The following FAM163A variants were observed in gnomAD, a reference collection of about 807,000 sequenced individuals.
FAM163A encodes the protein protein FAM163A.
Under a neutral mutation model 12.0 loss-of-function variants are expected in FAM163A, and 7 were observed. The ratio of observed to expected loss-of-function variants is 0.58; its 90% CI spans 0.33 to 1.10. The LOEUF is 1.10. Ranked by LOEUF, FAM163A falls within the 50% of genes least tolerant of loss-of-function variation. The pLI is 0.03. For missense variants in FAM163A, 202 were observed against 218.6 expected (o/e 0.92, Z 0.48); for synonymous variants, 101 against 91.0 (o/e 1.11, Z -0.62).
intron 2 of FAM163A, among the ~76,000 whole-genome samples, chr1:179,811,480 G>C (rs137931826): frequency 6.6e-6 from 1 of 152,284 alleles, no homozygotes; most frequent in East Asian, 1.9e-4. Flanking sequence ...ACTCAATTGG[G>C]ACCTTGTTAA....
intron 1 of FAM163A, among the ~76,000 whole-genome samples, chr1:179,760,063 T>A (rs973470547): frequency 2.0e-5 from 3 of 152,168 alleles, no homozygotes; most frequent in Non-Finnish European, 4.4e-5. Flanking sequence ...AGATTCATGT[T>A]TTATAAAGAT....
intron 1 of FAM163A, among the ~76,000 whole-genome samples, chr1:179,773,742 C>G (rs553962929): frequency 6.6e-6 from 1 of 152,188 alleles, no homozygotes; most frequent in Non-Finnish European, 1.5e-5. Context: ...ATTAAAGCAT[C>G]GGCCTCTAGA....
At chr1:179,778,231 C>A (rs1368982753) in intron 1 of FAM163A, among the ~76,000 whole-genome samples, 1 of 152,112 alleles carries the variant, frequency 6.6e-6, no homozygotes, top group East Asian at 1.9e-4. Flanking sequence ...CAGGGCTGGC[C>A]TAGGTAAGAT....
intron 1 of FAM163A, among the ~76,000 whole-genome samples, chr1:179,771,536 A>AT (rs1467141165): frequency 6.6e-6 from 1 of 150,722 alleles, no homozygotes; most frequent in Non-Finnish European, 1.5e-5. Context: ...GCACTGCCCC[A>AT]TTTTTTCTTG....
intron 1 of FAM163A, 49 bp downstream of exon 1, chr1:179,743,472 G>A (rs1683937957): frequency 6.6e-6 from 1 of 152,428 alleles, no homozygotes; most frequent in Non-Finnish European, 1.5e-5. Context: ...GAGGGGCGGG[G>A]CGGGGCGCGG....
chr1:179,813,203 G>C lies in FAM163A; in HGVS notation c.93+13G>C. ...CTGCAGGCTCCAGGTCAGTCCCCGG[G>C]ACCCGTAGCCAGAGGCTGCCAGGCC... On this transcript the variant is annotated intron_variant, in intron 4 of 4. Transcript: ENST00000341785. 2.6e-6 allele frequency: 4 copies of C among 1,550,982 alleles called. No homozygotes were observed. The highest frequency in any genetic ancestry group is 3.5e-6 in the Non-Finnish European group (4 of 1,146,412).
intron 1 of FAM163A, among the ~76,000 whole-genome samples, chr1:179,777,106 G>T (rs1205175402): frequency 2.0e-5 from 3 of 152,098 alleles, no homozygotes; most frequent in African/African-American, 7.2e-5. Context: ...CACAATTTTT[G>T]ATCCATTCCT....
Position 179,814,093 on chromosome 1 carries a change from C to G in FAM163A, c.408C>G (p.Ser136=). ...ACTACAAAGAGGGGGGACCCCCATC[C>G]CTCAAATTGGCAGCACCCCAGAGTT... ...PTYYKEGGPP[S]LKLAAPQSYP... is the part of the protein sequence containing the mutation. Residue 136 remains serine, a synonymous_variant, in exon 5 of 5, where the codon TCC becomes TCG. Transcript: ENST00000341785. 1 of 1,614,180 alleles carries G rather than the reference C, an allele frequency of 6.2e-7. No individual in the cohort carries two copies. The highest frequency in any genetic ancestry group is 1.1e-5 in the South Asian group (1 of 91,072).
rs768280344 is a variant in FAM163A at position 179,813,810 on chromosome 1, T to G, written c.125T>G (p.Val42Gly). 1.2e-6 allele frequency: 2 copies of G among 1,613,874 alleles called. No homozygotes were observed. Among genetic ancestry groups the G allele is most frequent in the Admixed American group, 3.3e-5 (2 of 60,004 alleles). The change falls in exon 5 of 5, where the codon GTT becomes GGT. Residue 42 changes from valine (V) to glycine (G), a missense_variant. Physicochemically the swap from Val to Gly is moderately radical, Grantham distance 109. Coordinates refer to ENST00000341785, the MANE Select transcript of FAM163A (RefSeq NM_173509.3). The part of the protein sequence containing the change: ...YYCCKKSGTE[V>G]ADEEEEREHD... The stretch of plus-strand genomic sequence containing the variant: ...TGCTGCAAGAAGAGCGGAACCGAGG[T>G]TGCAGACGAGGAGGAGGAGCGGGAG...
the FAM163A span, among the ~76,000 whole-genome samples, chr1:179,728,355 G>T: frequency 3.9e-5 from 6 of 152,122 alleles, no homozygotes; most frequent in African/African-American, 1.4e-4. Context: ...TAAATGGAAG[G>T]GTTTTGTGTT....
intron 1 of FAM163A, among the ~76,000 whole-genome samples, chr1:179,754,829 G>A (rs1685774837): frequency 6.6e-6 from 1 of 152,160 alleles, no homozygotes; most frequent in Non-Finnish European, 1.5e-5. Flanking sequence ...ACACCTTCTG[G>A]TTTACATGTT....
At chr1:179,734,411 CT>C in the FAM163A span, among the ~76,000 whole-genome samples, 1 of 152,122 alleles carries the variant, frequency 6.6e-6, no homozygotes, top group East Asian at 1.9e-4. Flanking sequence ...ACGAATACTC[CT>C]TTTTTTTATA....
intron 1 of FAM163A, among the ~76,000 whole-genome samples, chr1:179,805,147 C>G (rs1018964567): frequency 2.6e-4 from 39 of 152,030 alleles, no homozygotes; most frequent in African/African-American, 8.5e-4. Flanking sequence ...TGGCCCAATC[C>G]CATTGCTTTT....
At position 179,813,185 on chromosome 1, in the gene FAM163A, C is replaced by T. The variant is rs143407135; in HGVS notation, c.88C>T (p.Leu30Phe). ...CIIAVLCYCRLQYYCCKKSGT... is the reference protein window; with the variant it reads ...CIIAVLCYCRFQYYCCKKSGT... ...CATTGCCGTCCTGTGCTACTGCAGGCTCCAGGTCAGTCCCCGGGACCCGTA... is the reference window on the plus strand; with the variant it reads ...CATTGCCGTCCTGTGCTACTGCAGGTTCCAGGTCAGTCCCCGGGACCCGTA... The change falls in exon 4 of 5, where the codon CTC (leucine) becomes TTC (phenylalanine). Residue 30 changes from leucine (L) to phenylalanine (F), a missense_variant. Transcript: ENST00000341785. 1.8e-5 allele frequency: 28 copies of T among 1,551,728 alleles called. No homozygotes were observed. In the African/African-American group the frequency reaches 3.4e-4, roughly 19 times the overall value.
intron 1 of FAM163A, among the ~76,000 whole-genome samples, chr1:179,773,938 G>A (rs547261155): frequency 1.3e-5 from 2 of 152,238 alleles, no homozygotes; most frequent in Non-Finnish European, 2.9e-5. Context: ...TAATTGAAAG[G>A]GGCAGTGAGC....
intron 1 of FAM163A, among the ~76,000 whole-genome samples, chr1:179,805,646 G>T (rs573252003): frequency 5.9e-5 from 9 of 152,130 alleles, no homozygotes; most frequent in Non-Finnish European, 1.3e-4. Flanking sequence ...TGCTCAAGCT[G>T]GAAGCACCTG....
At position 179,815,286 on chromosome 1, in the gene FAM163A, C is replaced by T. The variant is rs1695226915; in HGVS notation, c.*1097C>T. 5 of 152,376 alleles carry T rather than the reference C, an allele frequency of 3.3e-5. No homozygotes were observed. In the South Asian group the frequency reaches 1.0e-3, roughly 32 times the overall value. The allele number at this position is 152,376 out of a possible 1,614,324, so 9.4% of individuals were successfully genotyped here. A position where few individuals can be genotyped will look rare whatever the true frequency, so the allele number is the denominator to read the frequency against. ...AGGTGGTTAACACGTGACCAATCCC[C>T]ATGGCAGACAGCGGGCTGGTGAACA... On this transcript the variant is annotated 3_prime_UTR_variant, in exon 5 of 5. Coordinates refer to ENST00000341785, the MANE Select transcript of FAM163A (RefSeq NM_173509.3).
intron 1 of FAM163A, among the ~76,000 whole-genome samples, chr1:179,749,021 C>A (rs1233999788): frequency 6.6e-6 from 1 of 152,186 alleles, no homozygotes; most frequent in African/African-American, 2.4e-5. Context: ...CATGTGAAAT[C>A]AACATTTCTG....
At chr1:179,740,791 C>T (rs1392312009), upstream of FAM163A, among the ~76,000 whole-genome samples, 1 of 152,102 alleles carries the variant, frequency 6.6e-6, no homozygotes, top group Non-Finnish European at 1.5e-5. Flanking sequence ...TATGAGGGAT[C>T]TTGCGGTGGT....
Sources: allele counts gnomAD v4.1 joint callset (sites outside exome capture counted in the v4.1 genomes callset), GRCh38; gene constraint gnomAD v4.1.1; transcripts MANE v1.5; gene names NCBI Gene and HGNC (gene_info 2026-07-23, HGNC 2026-07-21).